Variants in PPARA observed in about 807,000 individuals in gnomAD.
PPARA encodes the protein peroxisome proliferator activated receptor alpha, also known as peroxisome proliferator-activated receptor alpha.
A neutral mutation model predicts 42.2 loss-of-function variants in PPARA; 22 were observed. The ratio of observed to expected loss-of-function variants is 0.52; its 90% CI spans 0.37 to 0.74. The LOEUF is 0.74. Ranked by LOEUF, PPARA falls within the 30% of genes least tolerant of loss-of-function variation. PPARA has a pLI of 0.00. For missense variants in PPARA, 465 were observed against 608.2 expected (o/e 0.76, Z 2.48); for synonymous variants, 242 against 239.3 (o/e 1.01, Z -0.10).
At chr22:46,174,218 G>GA (rs1928592810) in intron 2 of PPARA, among the ~76,000 whole-genome samples, 8 of 12,708 alleles carry the variant, frequency 6.3e-4, no homozygotes, top group Admixed American at 9.3e-4. Context: ...GAGAGAGAGA[G>GA]GGAGAAAGAA....
intron 2 of PPARA, among the ~76,000 whole-genome samples, chr22:46,174,711 G>A (rs1412195969): frequency 6.6e-6 from 1 of 152,102 alleles, no homozygotes; most frequent in African/African-American, 2.4e-5. Context: ...TAGCTACTCA[G>A]GAGGCTGAGG....
chr22:46,153,852 C>G (rs1295487645), intron 2 of PPARA, among the ~76,000 whole-genome samples: 1 of 151,700 alleles, frequency 6.6e-6, no homozygotes, highest in Middle Eastern at 3.4e-3. Context: ...GAGCAAGACT[C>G]CGTTTCCAAA....
At chr22:46,177,104 A>G (rs868439907) in intron 3 of PPARA, among the ~76,000 whole-genome samples, 5 of 152,048 alleles carry the variant, frequency 3.3e-5, no homozygotes, top group Admixed American at 6.6e-5. Flanking sequence ...CCAGCTACTC[A>G]GGAGGCTGAG....
At chr22:46,228,196 G>A (rs1192898841) in intron 7 of PPARA, among the ~76,000 whole-genome samples, 2 of 152,222 alleles carry the variant, frequency 1.3e-5, no homozygotes, top group Admixed American at 6.5e-5. Flanking sequence ...AGGCTTGGGT[G>A]TTCATGCTCC....
rs1050876472 is a variant in PPARA, at chr22:46,167,808, C to G, written c.-126-8945C>G. ...CTGTCATTCCAATGCTTTGGGGGAC[C>G]GAGGTGAGAGGATAGCTTGAGGCCA... On this transcript the variant is annotated intron_variant, in intron 2 of 8. Transcript: ENST00000407236. The surrounding 1 kb of genome is among the most constrained non-coding windows in gnomAD (Gnocchi z 4.1). Among the ~76,000 whole-genome samples the G allele has an allele frequency of 6.6e-6, 1 of 151,492 alleles. No homozygotes were observed. Among genetic ancestry groups the G allele is most frequent in the African/African-American group, 2.4e-5 (1 of 41,204 alleles).
rs1442676310 is a variant in PPARA at position 46,233,250 on chromosome 22, A to G, written c.1159+1011A>G. ...CAGCAGCCAAGTGGCAGTGACTGCA[A>G]GGTTTGCTTTGCCCGAGGAAGCAGA... On this transcript the variant is annotated intron_variant, in intron 8 of 8. Coordinates refer to ENST00000407236, the MANE Select transcript of PPARA (RefSeq NM_005036.6). This position sits in a 1 kb window ranked among gnomAD's most constrained non-coding sequence, Gnocchi z 7.3. 6.6e-6 allele frequency among the ~76,000 whole-genome samples: 1 copy of G among 152,190 alleles called. No homozygotes were observed. Among genetic ancestry groups the G allele is most frequent in the Non-Finnish European group, 1.5e-5 (1 of 68,036 alleles).
At chr22:46,186,712 C>G (rs1203765207) in intron 3 of PPARA, among the ~76,000 whole-genome samples, 2 of 151,240 alleles carry the variant, frequency 1.3e-5, no homozygotes, top group African/African-American at 4.9e-5. Context: ...GACTCTGTCT[C>G]AAAAAAAATA....
chr22:46,197,461 T>C (rs1026511524), intron 3 of PPARA, among the ~76,000 whole-genome samples: 3 of 152,236 alleles, frequency 2.0e-5, no homozygotes, highest in African/African-American at 7.2e-5. Flanking sequence ...CCGTGGGCTA[T>C]GGCTCCTTCA....
chr22:46,202,694 T>G, intron 4 of PPARA, among the ~76,000 whole-genome samples: 1 of 151,718 alleles, frequency 6.6e-6, no homozygotes, highest in East Asian at 2.0e-4. Flanking sequence ...AGACAGAGTT[T>G]CACTCTTGCT....
rs10154348 is a variant in PPARA at position 46,242,262 on chromosome 22, C to A, written c.*6882C>A. 15,202 of 152,682 alleles carry A rather than the reference C, an allele frequency of 0.1. 828 individuals are homozygous for A. Among genetic ancestry groups the A allele is most frequent in the Non-Finnish European group, 0.11 (7,661 of 68,026 alleles). The allele number at this position is 152,682 out of a possible 1,614,324, so 9.5% of individuals were successfully genotyped here. On this transcript the variant is annotated 3_prime_UTR_variant, in exon 9 of 9. Coordinates refer to ENST00000407236, the MANE Select transcript of PPARA (RefSeq NM_005036.6). This position sits in a 1 kb window ranked among gnomAD's most constrained non-coding sequence, Gnocchi z 6.1. ...GACACAGTCGGGCACCTTCCCCGGA[C>A]CCCCAGGCCTTGGCTGTGCCTCAAG...
At position 46,242,730 on chromosome 22, in the gene PPARA, T is replaced by TAC. The variant is rs1569263328; in HGVS notation, c.*7350_*7351insAC. 9.9e-6 allele frequency: 1 copy of TAC among 100,652 alleles called. No homozygotes were observed. Among genetic ancestry groups the TAC allele is most frequent in the Non-Finnish European group, 2.0e-5 (1 of 49,948 alleles). The allele number at this position is 100,652 out of a possible 1,614,324, so 6.2% of individuals were successfully genotyped here. On this transcript the variant is annotated 3_prime_UTR_variant, in exon 9 of 9. Transcript: ENST00000407236. This position sits in a 1 kb window ranked among gnomAD's most constrained non-coding sequence, Gnocchi z 6.1. Reference sequence around the variant, plus strand: ...AAAATACACTGCGTACACGTGTGCGTGCACACACACACACACACACACACA... The same window carrying TAC: ...AAAATACACTGCGTACACGTGTGCGTACGCACACACACACACACACACACACA...
At chr22:46,158,724 T>C (rs1183906106) in intron 2 of PPARA, among the ~76,000 whole-genome samples, 1 of 152,200 alleles carries the variant, frequency 6.6e-6, no homozygotes, top group Non-Finnish European at 1.5e-5. Flanking sequence ...TTGAAGCATT[T>C]TCAGGCAGTT....
At chr22:46,178,948 G>A (rs1929561735) in intron 3 of PPARA, among the ~76,000 whole-genome samples, 1 of 152,200 alleles carries the variant, frequency 6.6e-6, no homozygotes, top group Non-Finnish European at 1.5e-5. Context: ...AATCTCAGAT[G>A]TATACACAGT....
chr22:46,159,614 T>G (rs73177031), intron 2 of PPARA, among the ~76,000 whole-genome samples: 238 of 152,300 alleles, frequency 1.6e-3, no homozygotes, highest in Non-Finnish European at 2.7e-3. Context: ...AGGAAGGCAC[T>G]CAATTGTTGT....
Position 46,162,782 on chromosome 22 carries a change from G to T in PPARA, c.-127+10812G>T, listed in dbSNP as rs542869123. 7.9e-5 allele frequency among the ~76,000 whole-genome samples: 12 copies of T among 152,190 alleles called. No homozygotes were observed. Among genetic ancestry groups the T allele is most frequent in the Non-Finnish European group, 1.5e-4 (10 of 68,030 alleles). ...CCACCTCCTTCCTGAAGCCTTCCTT[G>T]CTGCTCCCCCAAACTAGAGGCAGGA... On this transcript the variant is annotated intron_variant, in intron 2 of 8. Transcript: ENST00000407236. This position sits in a 1 kb window ranked among gnomAD's most constrained non-coding sequence, Gnocchi z 6.0.
In PPARA at chr22:46,234,836, G is replaced by A. The variant is rs1936112442; in HGVS notation, c.1160-297G>A. ...TAGCTCTAATTTTTCTCCCTGACAG[G>A]TGGTCATCAGGTAAATCACAAGTGA... is the stretch of plus-strand genomic sequence containing the variant. On this transcript the variant is annotated intron_variant, in intron 8 of 8. Coordinates refer to ENST00000407236, the MANE Select transcript of PPARA (RefSeq NM_005036.6). The surrounding 1 kb of genome is among the most constrained non-coding windows in gnomAD (Gnocchi z 5.8). Among the ~76,000 whole-genome samples, 1 of 152,130 alleles carries A rather than the reference G, an allele frequency of 6.6e-6. No individual in the cohort carries two copies. The highest frequency in any genetic ancestry group is 2.4e-5 in the African/African-American group (1 of 41,420).
In PPARA at chr22:46,167,594, C is replaced by T. The variant is rs764978530; in HGVS notation, c.-126-9159C>T. On this transcript the variant is annotated intron_variant, in intron 2 of 8. Coordinates refer to ENST00000407236, the MANE Select transcript of PPARA (RefSeq NM_005036.6). This position sits in a 1 kb window ranked among gnomAD's most constrained non-coding sequence, Gnocchi z 4.1. ...CCTGAGCCCAGAGAGGTCAAGGTTG[C>T]AGTGAGCCATGATTGCACCACTGCA... is the stretch of plus-strand genomic sequence containing the variant. Among the ~76,000 whole-genome samples, 1 of 152,090 alleles carries T rather than the reference C, an allele frequency of 6.6e-6. No individual in the cohort carries two copies. The highest frequency in any genetic ancestry group is 1.5e-5 in the Non-Finnish European group (1 of 68,016).
At position 46,192,480 on chromosome 22, in the gene PPARA, CT is replaced by C. The variant is rs1172927359; in HGVS notation, c.-42-5861del. On this transcript the variant is annotated intron_variant, in intron 3 of 8. Coordinates refer to ENST00000407236, the MANE Select transcript of PPARA (RefSeq NM_005036.6). The surrounding 1 kb of genome is among the most constrained non-coding windows in gnomAD (Gnocchi z 4.3). ...AGTGATATAATTTGATGTCTACTTC[CT>C]CTTGTATTTGTCTGTTTTTAAGTGT... is the stretch of plus-strand genomic sequence containing the variant. Among the ~76,000 whole-genome samples the C allele has an allele frequency of 6.6e-6, 1 of 152,194 alleles. No homozygotes were observed. Among genetic ancestry groups the C allele is most frequent in the Non-Finnish European group, 1.5e-5 (1 of 68,032 alleles).
At chr22:46,174,212 G>C (rs1363443207) in intron 2 of PPARA, among the ~76,000 whole-genome samples, 2 of 108,624 alleles carry the variant, frequency 1.8e-5, no homozygotes, top group African/African-American at 9.1e-5. Context: ...GAGAGAGAGA[G>C]AGAGAGGGAG....
Sources: allele counts gnomAD v4.1 joint callset (sites outside exome capture counted in the v4.1 genomes callset), GRCh38; gene constraint gnomAD v4.1.1; non-coding constraint Gnocchi (gnomAD v3.1); transcripts MANE v1.5; gene names NCBI Gene and HGNC (gene_info 2026-07-23, HGNC 2026-07-21).